Variants in CEP192 observed in about 807,000 individuals in gnomAD.
The protein encoded by CEP192 is centrosomal protein 192.
A neutral mutation model predicts 271.8 loss-of-function variants in CEP192; 151 were observed. That is an observed-to-expected ratio of 0.56 (90% confidence interval 0.49 to 0.64). The LOEUF is 0.64. CEP192 is among the 30% of genes least tolerant of loss of function. CEP192 has a pLI of 0.00. For synonymous variants in CEP192, 995 were observed against 1,076.5 expected (o/e 0.92, Z 1.48); for missense variants, 2,910 against 3,020.5 (o/e 0.96, Z 0.86).
intron 17 of CEP192, among the ~76,000 whole-genome samples, chr18:13,052,201 A>G (rs1033019501): frequency 2.0e-5 from 3 of 152,124 alleles, no homozygotes; most frequent in Non-Finnish European, 4.4e-5. Context: ...GAGACTCACT[A>G]TTTGTCACTT....
intron 26 of CEP192, 31 bp downstream of exon 26, chr18:13,069,212 A>C: frequency 6.4e-7 from 1 of 1,567,552 alleles, no homozygotes; most frequent in Non-Finnish European, 8.8e-7. Context: ...GCCATAAGAT[A>C]GTCTTTCCTC....
At chr18:13,058,831 G>C (rs2037255706) in intron 20 of CEP192, 1 of 495,724 alleles carries the variant, frequency 2.0e-6, no homozygotes, top group African/African-American at 1.9e-5. Flanking sequence ...GTGAGTGTAA[G>C]GGTCAATGTG....
chr18:13,085,515 T>G (rs935001728), intron 30 of CEP192, among the ~76,000 whole-genome samples: 6 of 152,240 alleles, frequency 3.9e-5, no homozygotes, highest in African/African-American at 1.4e-4. Flanking sequence ...TTCCAGAGTT[T>G]TAATGGTTTT....
chr18:13,044,940 A>T (rs1309225815), intron 15 of CEP192, among the ~76,000 whole-genome samples: 2 of 152,236 alleles, frequency 1.3e-5, no homozygotes, highest in East Asian at 1.9e-4. Context: ...AATTTCTTTA[A>T]TAGTTGTAGT....
Position 13,049,767 on chromosome 18 carries a change from T to C in CEP192, c.2893T>C (p.Leu965=), listed in dbSNP as rs752676889. ...TGGAAAATACCCCTTTCTGATAGAT[T>C]TGAAAAATACCTCTCCTGAGCATGG... ...HRIVSPKNSD[L]KNTSPEHGGR... The change falls in exon 17 of 45, where the codon TTG becomes CTG. Residue 965 remains leucine (L), a splice_region_variant and synonymous_variant. Transcript: ENST00000506447. 6.2e-7 allele frequency: 1 copy of C among 1,609,566 alleles called. No individual in the cohort carries two copies. Among genetic ancestry groups the C allele is most frequent in the Non-Finnish European group, 8.5e-7 (1 of 1,178,640 alleles).
chr18:13,097,881 C>A (rs2039483412), intron 36 of CEP192, among the ~76,000 whole-genome samples: 1 of 152,120 alleles, frequency 6.6e-6, no homozygotes, highest in Non-Finnish European at 1.5e-5. Context: ...ATCTGTTTAG[C>A]AAAGCACATC....
chr18:13,074,029 A>G (rs1320486580), intron 30 of CEP192, among the ~76,000 whole-genome samples: 2 of 152,228 alleles, frequency 1.3e-5, no homozygotes, highest in South Asian at 2.1e-4. Flanking sequence ...GTGATAAATC[A>G]TAGAGGAAAG....
rs201279295 is a variant in CEP192, at chr18:13,079,484, G to C, written c.5616+6299G>C. 3.7e-4 allele frequency among the ~76,000 whole-genome samples: 57 copies of C among 152,070 alleles called. 1 individual carries two copies. The highest frequency in any genetic ancestry group is 1.3e-4 in the Non-Finnish European group (9 of 68,008). Reference sequence around the variant, plus strand: ...CCTTTGCCCACTTTTTGATGGGGTTGTTTGTTTTTTTCTTGTAAATTTGTT... The same window carrying C: ...CCTTTGCCCACTTTTTGATGGGGTTCTTTGTTTTTTTCTTGTAAATTTGTT... On this transcript the variant is annotated intron_variant, in intron 30 of 44. Transcript: ENST00000506447.
chr18:13,042,151 G>A (rs2036241754), intron 14 of CEP192, 53 bp from the exon 15 acceptor site: 1 of 1,476,210 alleles, frequency 6.8e-7, no homozygotes, highest in Non-Finnish European at 9.3e-7. Context: ...TCCACAGACT[G>A]TGTTTGTCAA....
At chr18:13,093,586 C>G (rs1422602417) in intron 34 of CEP192, among the ~76,000 whole-genome samples, 1 of 152,194 alleles carries the variant, frequency 6.6e-6, no homozygotes, top group African/African-American at 2.4e-5. Context: ...AGTGGTGCTT[C>G]CTAGGTCCTT....
chr18:13,062,715 T>A (rs2037475017), intron 21 of CEP192, among the ~76,000 whole-genome samples: 1 of 152,156 alleles, frequency 6.6e-6, no homozygotes, highest in Non-Finnish European at 1.5e-5. Flanking sequence ...CCCTCAAGCA[T>A]TTATCCTTTG....
chr18:13,078,579 T>C (rs1418363910), intron 30 of CEP192, among the ~76,000 whole-genome samples: 1 of 152,146 alleles, frequency 6.6e-6, no homozygotes, highest in Non-Finnish European at 1.5e-5. Flanking sequence ...TTTCTCCATA[T>C]CCTCTCCAGC....
At position 13,100,557 on chromosome 18, in the gene CEP192, T is replaced by C. The variant is rs767961799; in HGVS notation, c.6871+45T>C. 1.5e-5 allele frequency: 21 copies of C among 1,395,796 alleles called. No individual in the cohort carries two copies. In the East Asian group the frequency reaches 4.8e-4, roughly 32 times the overall value. The allele number at this position is 1,395,796 out of a possible 1,614,324, so 86.5% of individuals were successfully genotyped here. ...TGTAATTCAAATGTCTGCTGATATA[T>C]TGAGTCTAATGCTTTATTCTTAGCC... On this transcript the variant is annotated intron_variant, in intron 38 of 44. Coordinates refer to ENST00000506447, the MANE Select transcript of CEP192 (RefSeq NM_032142.4).
chr18:12,994,319 A>G (rs547876093), intron 1 of CEP192, among the ~76,000 whole-genome samples: 1 of 152,246 alleles, frequency 6.6e-6, no homozygotes, highest in East Asian at 1.9e-4. Context: ...AACGTCAGGA[A>G]GGAGCTAGCT....
intron 34 of CEP192, among the ~76,000 whole-genome samples, chr18:13,093,158 A>G (rs2039231417): frequency 6.6e-6 from 1 of 151,744 alleles, no homozygotes; most frequent in South Asian, 2.1e-4. Context: ...CTCTGTCTCA[A>G]AAACAAAACA....
intron 36 of CEP192, among the ~76,000 whole-genome samples, chr18:13,098,941 G>A (rs1358687906): frequency 1.3e-5 from 2 of 152,216 alleles, no homozygotes; most frequent in Non-Finnish European, 2.9e-5. Flanking sequence ...ACCTCGGGAG[G>A]CTGAGGCTGG....
At chr18:13,000,519 A>G (rs976190236) in intron 2 of CEP192, 1 of 152,174 alleles carries the variant, frequency 6.6e-6, no homozygotes, top group African/African-American at 2.4e-5. Context: ...AATTCATTTC[A>G]GCCAGGTTTA....
At chr18:13,037,211 T>C (rs2143719517) in intron 11 of CEP192, 26 bp from the exon 12 acceptor site, 7 of 961,022 alleles carry the variant, frequency 7.3e-6, no homozygotes, top group Non-Finnish European at 1.1e-5. Context: ...TAGTGTAATG[T>C]ATTTATATAA....
Position 13,056,520 on chromosome 18 carries a change from G to A in CEP192, c.3930G>A (p.Val1310=). ...AGCCTGTGCAGAACTCTGTGGCTGT[G>A]GGAATTTGTCTAGGATCAAATATCG... ...AGEPVQNSVA[V]GICLGSNIGS... The change falls in exon 19 of 45, where the codon GTG becomes GTA. Residue 1310 remains valine, a synonymous_variant. Coordinates refer to ENST00000506447, the MANE Select transcript of CEP192 (RefSeq NM_032142.4). 6.2e-7 allele frequency: 1 copy of A among 1,614,176 alleles called. No individual in the cohort carries two copies. The highest frequency in any genetic ancestry group is 1.6e-4 in the Middle Eastern group (1 of 6,062).
Sources: allele counts gnomAD v4.1 joint callset (sites outside exome capture counted in the v4.1 genomes callset), GRCh38; gene constraint gnomAD v4.1.1; transcripts MANE v1.5; gene names NCBI Gene and HGNC (gene_info 2026-07-23, HGNC 2026-07-21).